The following RAB3C variants were observed in gnomAD, a reference collection of about 807,000 sequenced individuals.
RAB3C encodes ras-related protein Rab-3C.
A neutral mutation model predicts 26.4 loss-of-function variants in RAB3C; 17 were observed. The ratio of observed to expected loss-of-function variants is 0.64; its 90% CI spans 0.44 to 0.97. The LOEUF is 0.97. Among genes scored for constraint, RAB3C ranks in the 50% least tolerant of loss-of-function variants. The pLI is 0.00. For synonymous variants in RAB3C, 91 were observed against 95.9 expected (o/e 0.95, Z 0.30); for missense variants, 242 against 281.9 (o/e 0.86, Z 1.01).
intron 3 of RAB3C, among the ~76,000 whole-genome samples, chr5:58,809,416 C>T (rs1355639279): frequency 6.7e-6 from 1 of 149,186 alleles, no homozygotes; most frequent in Non-Finnish European, 1.5e-5. Context: ...TTAGCAGAGG[C>T]ACAAATTGAA....
intron 1 of RAB3C, among the ~76,000 whole-genome samples, chr5:58,608,192 T>TA (rs1426128801): frequency 6.6e-6 from 1 of 152,122 alleles, no homozygotes; most frequent in East Asian, 1.9e-4. Flanking sequence ...AGACCCATCT[T>TA]ATGTGCAGAG....
In RAB3C at chr5:58,842,839, A is replaced by C. The variant is rs142497092; in HGVS notation, c.497-8325A>C. On this transcript the variant is annotated intron_variant, in intron 4 of 4. Coordinates refer to ENST00000282878, the MANE Select transcript of RAB3C (RefSeq NM_138453.4). Reference sequence around the variant, plus strand: ...CTGTGTTACTATTGAAAGGAGGTAGATATAGACCTCGAGAAGAATTTCTTG... The same window carrying C: ...CTGTGTTACTATTGAAAGGAGGTAGCTATAGACCTCGAGAAGAATTTCTTG... 1.4e-3 allele frequency among the ~76,000 whole-genome samples: 212 copies of C among 152,360 alleles called. 3 individuals are homozygous for C. The highest frequency in any genetic ancestry group is 4.7e-3 in the African/African-American group (197 of 41,588).
intron 3 of RAB3C, among the ~76,000 whole-genome samples, chr5:58,774,181 C>T (rs577895368): frequency 6.6e-6 from 1 of 152,248 alleles, no homozygotes; most frequent in African/African-American, 2.4e-5. Context: ...AATTAATTCA[C>T]TCATGAATGT....
At chr5:58,605,859 C>T (rs6870147) in intron 1 of RAB3C, among the ~76,000 whole-genome samples, 45,719 of 152,054 alleles carry the variant, frequency 0.3, 7,144 homozygotes, top group Non-Finnish European at 0.34. Flanking sequence ...GAGCCAAGAT[C>T]GTGCCATTGC....
intron 2 of RAB3C, among the ~76,000 whole-genome samples, chr5:58,696,403 G>T (rs1748701162): frequency 6.6e-6 from 1 of 152,110 alleles, no homozygotes; most frequent in African/African-American, 2.4e-5. Context: ...TTGTATCTCT[G>T]CCAGACCTTG....
At chr5:58,696,960 G>A (rs1431573318) in intron 2 of RAB3C, among the ~76,000 whole-genome samples, 7 of 152,012 alleles carry the variant, frequency 4.6e-5, no homozygotes, top group Non-Finnish European at 8.8e-5. Context: ...CTTGCCTTCT[G>A]CTAGCTTTTG....
intron 4 of RAB3C, among the ~76,000 whole-genome samples, chr5:58,845,686 A>AT (rs1427599124): frequency 6.7e-6 from 1 of 149,016 alleles, no homozygotes; most frequent in Non-Finnish European, 1.5e-5. Flanking sequence ...ATATATGTGT[A>AT]TATATAGTTT....
At chr5:58,587,663 T>C (rs1317213597) in intron 1 of RAB3C, among the ~76,000 whole-genome samples, 2 of 152,194 alleles carry the variant, frequency 1.3e-5, no homozygotes, top group African/African-American at 4.8e-5. Context: ...ACACACACCA[T>C]TATAAAGATA....
intron 2 of RAB3C, among the ~76,000 whole-genome samples, chr5:58,624,680 A>G (rs1193037903): frequency 6.6e-6 from 1 of 152,156 alleles, no homozygotes; most frequent in African/African-American, 2.4e-5. Flanking sequence ...GAGATGGGAA[A>G]CATTGACAAC....
At chr5:58,620,049 C>G (rs1368650061) in intron 2 of RAB3C, among the ~76,000 whole-genome samples, 1 of 151,914 alleles carries the variant, frequency 6.6e-6, no homozygotes, top group Non-Finnish European at 1.5e-5. Flanking sequence ...TCAGATTTGC[C>G]TCTAATCTTC....
chr5:58,838,316 C>T (rs1348136618), intron 4 of RAB3C, among the ~76,000 whole-genome samples: 5 of 151,312 alleles, frequency 3.3e-5, no homozygotes, highest in Non-Finnish European at 7.4e-5. Flanking sequence ...GGAGGCAGAG[C>T]TTGCAGTGAG....
At chr5:58,775,892 T>G (rs565723216) in intron 3 of RAB3C, among the ~76,000 whole-genome samples, 1 of 152,264 alleles carries the variant, frequency 6.6e-6, no homozygotes, top group South Asian at 2.1e-4. Flanking sequence ...ATTCTCAGCC[T>G]TACACTCCTG....
intron 2 of RAB3C, among the ~76,000 whole-genome samples, chr5:58,661,373 C>T (rs1747903826): frequency 6.7e-6 from 1 of 149,918 alleles, no homozygotes; most frequent in South Asian, 2.1e-4. Flanking sequence ...TTATAATATG[C>T]CATTCATAGC....
chr5:58,736,190 C>A (rs1419040636), intron 3 of RAB3C, among the ~76,000 whole-genome samples: 9 of 152,188 alleles, frequency 5.9e-5, no homozygotes, highest in Non-Finnish European at 5.9e-5. Context: ...ACAACCTTAA[C>A]AGCATGCAGG....
chr5:58,822,729 C>T (rs895078879), intron 3 of RAB3C: 10 of 484,134 alleles, frequency 2.1e-5, no homozygotes, highest in Admixed American at 7.6e-5. Flanking sequence ...CGGTAGTCTG[C>T]GCAGCATATG....
intron 3 of RAB3C, among the ~76,000 whole-genome samples, chr5:58,797,045 G>A (rs1742672261): frequency 6.7e-6 from 1 of 149,862 alleles, no homozygotes; most frequent in Non-Finnish European, 1.5e-5. Flanking sequence ...AAACAAAACT[G>A]CATATGTAGT....
Position 58,583,092 on chromosome 5 carries a change from C to G in RAB3C, c.-117C>G, listed in dbSNP as rs567701432. On this transcript the variant is annotated 5_prime_UTR_variant, in exon 1 of 5. Coordinates refer to ENST00000282878, the MANE Select transcript of RAB3C (RefSeq NM_138453.4). The stretch of plus-strand genomic sequence containing the variant: ...ACAGCTCCAGTGCTGATGTTGGAGC[C>G]GGTTAGCGAACCCCAAGAGTGCAGA... 24 of 1,563,794 alleles carry G rather than the reference C, an allele frequency of 1.5e-5. No homozygotes were observed. In the East Asian group the frequency reaches 3.7e-4, roughly 24 times the overall value.
intron 2 of RAB3C, among the ~76,000 whole-genome samples, chr5:58,648,904 G>T (rs1395181982): frequency 6.6e-6 from 1 of 152,078 alleles, no homozygotes; most frequent in Non-Finnish European, 1.5e-5. Flanking sequence ...ATGGCTTGTG[G>T]CTATCTCAAG....
chr5:58,582,584 A>G (rs77842778), upstream of RAB3C, among the ~76,000 whole-genome samples: 614 of 152,024 alleles, frequency 4.0e-3, 5 homozygotes, highest in African/African-American at 0.014. Flanking sequence ...TTTCTCCCCT[A>G]CGTTTGGTGA....
Sources: allele counts gnomAD v4.1 joint callset (sites outside exome capture counted in the v4.1 genomes callset), GRCh38; gene constraint gnomAD v4.1.1; transcripts MANE v1.5; gene names NCBI Gene and HGNC (gene_info 2026-07-23, HGNC 2026-07-21).